The following KCNAB2 variants were observed in gnomAD, a reference collection of about 807,000 sequenced individuals.
The protein encoded by KCNAB2 is potassium voltage-gated channel subfamily A regulatory beta subunit 2, also known as voltage-gated potassium channel subunit beta-2.
KCNAB2 carries 29 observed loss-of-function variants against 63.6 expected under a neutral mutation model. The observed-to-expected ratio is 0.46, with a 90% confidence interval of 0.34 to 0.62. The LOEUF (loss-of-function observed/expected upper bound fraction) is 0.62. Ranked by LOEUF, KCNAB2 falls within the 20% of genes least tolerant of loss-of-function variation. KCNAB2 has a pLI of 0.01. For missense variants in KCNAB2, 359 were observed against 563.9 expected (o/e 0.64, Z 3.68); for synonymous variants, 222 against 224.2 (o/e 0.99, Z 0.09).
chr1:6,095,238 C>G, intron 11 of KCNAB2, 85 bp from the exon 12 acceptor site: 1 of 1,441,058 alleles, frequency 6.9e-7, no homozygotes. Flanking sequence ...TCCGGGGACA[C>G]CTTGGTGCCC....
intron 1 of KCNAB2, among the ~76,000 whole-genome samples, chr1:5,998,216 C>T (rs1193914757): frequency 6.6e-6 from 1 of 152,214 alleles, no homozygotes; most frequent in East Asian, 1.9e-4. Flanking sequence ...AATAGGATAA[C>T]TAGGGGAGGG....
chr1:6,014,098 G>A (rs1290874047), intron 1 of KCNAB2, among the ~76,000 whole-genome samples: 4 of 152,214 alleles, frequency 2.6e-5, no homozygotes, highest in Non-Finnish European at 5.9e-5. Flanking sequence ...ATGAACGCAC[G>A]GGAAAGCCCT....
intron 2 of KCNAB2, among the ~76,000 whole-genome samples, chr1:6,058,380 G>A (rs1013726550): frequency 1.3e-5 from 2 of 152,200 alleles, no homozygotes; most frequent in Non-Finnish European, 2.9e-5. Flanking sequence ...ATCCCTGAGT[G>A]TCCTGGGAGG....
chr1:6,002,836 G>T (rs557749247), intron 1 of KCNAB2, among the ~76,000 whole-genome samples: 2 of 152,298 alleles, frequency 1.3e-5, no homozygotes, highest in South Asian at 4.1e-4. Flanking sequence ...GACTCTGGAC[G>T]ACGCTGACAG....
upstream of KCNAB2, chr1:6,041,624 G>A (rs549683449): frequency 8.2e-5 from 47 of 574,068 alleles, no homozygotes; most frequent in Non-Finnish European, 1.2e-4. Flanking sequence ...TCTCTGCCCC[G>A]TGGCCACCGG....
At chr1:6,029,426 G>A (rs1292154183), upstream of KCNAB2, among the ~76,000 whole-genome samples, 2 of 152,268 alleles carry the variant, frequency 1.3e-5, no homozygotes, top group East Asian at 1.9e-4. Flanking sequence ...TTGCTGGTAA[G>A]ACCGCTGCCC....
rs932765808 is a variant in KCNAB2, at chr1:6,069,986, C to T, written c.219-2769C>T. 2.0e-5 allele frequency among the ~76,000 whole-genome samples: 3 copies of T among 152,188 alleles called. No individual in the cohort carries two copies. The highest frequency in any genetic ancestry group is 4.8e-5 in the African/African-American group (2 of 41,462). Reference sequence around the variant, plus strand: ...AATCAGGGGCAGGGGCACCTTTTGCCAGCCCTCCCCAAACTGGTGACCAAG... The same window carrying T: ...AATCAGGGGCAGGGGCACCTTTTGCTAGCCCTCCCCAAACTGGTGACCAAG... On this transcript the variant is annotated intron_variant, in intron 2 of 15. Coordinates refer to ENST00000378083, the MANE Select transcript of KCNAB2 (RefSeq NM_001199862.2). The surrounding 1 kb of genome is among the most constrained non-coding windows in gnomAD (Gnocchi z 5.4).
At chr1:6,015,182 C>T (rs971321604) in intron 1 of KCNAB2, among the ~76,000 whole-genome samples, 3 of 152,084 alleles carry the variant, frequency 2.0e-5, no homozygotes, top group Non-Finnish European at 4.4e-5. Context: ...CAGGTGCCCG[C>T]CACCATGCCC....
chr1:6,080,895 T>C (rs144524146), intron 4 of KCNAB2, among the ~76,000 whole-genome samples: 1 of 152,062 alleles, frequency 6.6e-6, no homozygotes, highest in Admixed American at 6.5e-5. Context: ...TGTCCTATGG[T>C]TTTTGAGGGT....
rs1333671388 is a variant in KCNAB2 at position 6,078,275 on chromosome 1, C to T, written c.301-3920C>T. On this transcript the variant is annotated intron_variant, in intron 4 of 15. Coordinates refer to ENST00000378083, the MANE Select transcript of KCNAB2 (RefSeq NM_001199862.2). The surrounding 1 kb of genome is among the most constrained non-coding windows in gnomAD (Gnocchi z 4.2). ...GTCACCTGTGATGGCACTGAGGGCC[C>T]ACTTAGCTAAGCCAGGACATTCTCC... 6.6e-6 allele frequency among the ~76,000 whole-genome samples: 1 copy of T among 152,244 alleles called. No homozygotes were observed. Among genetic ancestry groups the T allele is most frequent in the Non-Finnish European group, 1.5e-5 (1 of 68,046 alleles).
intron 2 of KCNAB2, among the ~76,000 whole-genome samples, chr1:6,052,427 CAAA>C (rs55970222): frequency 5.6e-5 from 7 of 124,584 alleles, no homozygotes; most frequent in Admixed American, 2.5e-4. Flanking sequence ...CTCCATTGCG[CAAA>C]AAAAAAAAAA....
intron 1 of KCNAB2, chr1:5,995,791 C>G (rs1656908193): frequency 6.6e-6 from 1 of 152,422 alleles, no homozygotes; most frequent in Admixed American, 6.5e-5. Flanking sequence ...AACTGAGGCA[C>G]AGAGCAGCAG....
intron 2 of KCNAB2, among the ~76,000 whole-genome samples, chr1:6,066,871 C>G (rs1016752178): frequency 3.3e-5 from 5 of 152,254 alleles, no homozygotes; most frequent in African/African-American, 1.2e-4. Context: ...CTGGAGTTTC[C>G]CGATGGTCAG....
chr1:5,996,920 C>A (rs1372665349), intron 1 of KCNAB2, among the ~76,000 whole-genome samples: 1 of 152,210 alleles, frequency 6.6e-6, no homozygotes, highest in Non-Finnish European at 1.5e-5. Flanking sequence ...GTCCTGTAGA[C>A]CCCTGAGGTC....
In KCNAB2 at chr1:6,099,882, G is replaced by T. The variant is rs768775591; in HGVS notation, c.*1308G>T. 45 of 1,550,112 alleles carry T rather than the reference G, an allele frequency of 2.9e-5. 1 individual carries two copies. In the South Asian group the frequency reaches 4.4e-4, roughly 15 times the overall value. On this transcript the variant is annotated 3_prime_UTR_variant, in exon 16 of 16. Coordinates refer to ENST00000378083, the MANE Select transcript of KCNAB2 (RefSeq NM_001199862.2). ...ACGCCCCCGTGCAGCTTGGGCCGGAGGGCAAGGGATGCCAGTAAGTCTGCA... is the reference window on the plus strand; with the variant it reads ...ACGCCCCCGTGCAGCTTGGGCCGGATGGCAAGGGATGCCAGTAAGTCTGCA...
chr1:6,094,377 G>T (rs202106462), intron 10 of KCNAB2, 23 bp from the exon 11 acceptor site: 1 of 1,593,264 alleles, frequency 6.3e-7, no homozygotes, highest in Non-Finnish European at 8.6e-7. Flanking sequence ...CCCCACCTGC[G>T]GTTTCCCTTT....
chr1:6,086,922 C>G lies in KCNAB2; in HGVS notation c.426-545C>G, dbSNP rs1324432399. Among the ~76,000 whole-genome samples, 3 of 151,970 alleles carry G rather than the reference C, an allele frequency of 2.0e-5. No individual in the cohort carries two copies. The highest frequency in any genetic ancestry group is 2.9e-5 in the Non-Finnish European group (2 of 68,004). On this transcript the variant is annotated intron_variant, in intron 6 of 15. Coordinates refer to ENST00000378083, the MANE Select transcript of KCNAB2 (RefSeq NM_001199862.2). The surrounding 1 kb of genome is among the most constrained non-coding windows in gnomAD (Gnocchi z 4.2). ...CTTGGTGCCCCTCAAGTTACCCCGA[C>G]CAGGCCGTCCCACACAGATTTTCTG...
intron 10 of KCNAB2, among the ~76,000 whole-genome samples, chr1:6,092,849 G>A (rs567759974): frequency 1.3e-3 from 202 of 152,342 alleles, no homozygotes; most frequent in African/African-American, 4.6e-3. Context: ...TAAGCAGAGA[G>A]CAGGGCTGGG....
At chr1:6,022,705 A>AGT (rs2100338533) in intron 1 of KCNAB2, among the ~76,000 whole-genome samples, 1 of 151,408 alleles carries the variant, frequency 6.6e-6, no homozygotes, top group Non-Finnish European at 1.5e-5. Flanking sequence ...GCACGTGACT[A>AGT]CTCTAGGGAC....
Sources: gnomAD v4.1 joint callset for allele counts (sites outside exome capture counted in the v4.1 genomes callset) on GRCh38, gnomAD v4.1.1 for gene constraint, Gnocchi (gnomAD v3.1) non-coding constraint, MANE v1.5 for transcripts, NCBI Gene and HGNC (gene_info 2026-07-23, HGNC 2026-07-21) for gene names.